The following MFSD1 variants were observed in gnomAD, a reference collection of about 807,000 sequenced individuals.
The protein encoded by MFSD1 is major facilitator superfamily domain containing 1, also known as lysosomal dipeptide transporter MFSD1.
MFSD1 carries 59 observed loss-of-function variants against 67.1 expected under a neutral mutation model. The observed-to-expected ratio is 0.88, with a 90% CI of 0.71 to 1.09. The LOEUF (loss-of-function observed/expected upper bound fraction) is 1.09. MFSD1 is among the 50% of genes least tolerant of loss of function. The pLI is 0.00. For missense variants in MFSD1, 552 were observed against 566.1 expected (o/e 0.97, Z 0.25); for synonymous variants, 213 against 200.3 (o/e 1.06, Z -0.54).
chr3:158,805,554 A>G (rs1461746310), intron 3 of MFSD1, 80 bp downstream of exon 3: 5 of 1,065,864 alleles, frequency 4.7e-6, no homozygotes, highest in Non-Finnish European at 7.3e-6. Context: ...ATTTCTAGAA[A>G]GAGCTGAATA....
intron 14 of MFSD1, 70 bp from the exon 15 acceptor site, chr3:158,827,210 G>A: frequency 1.1e-6 from 1 of 891,148 alleles, no homozygotes; most frequent in Non-Finnish European, 1.8e-6. Context: ...TTGCATGTAT[G>A]TATGTATGGT....
intron 6 of MFSD1, 97 bp downstream of exon 6, chr3:158,809,384 G>A: frequency 2.6e-6 from 2 of 762,994 alleles, no homozygotes; most frequent in Non-Finnish European, 4.2e-6. Context: ...ATTTGTGTAT[G>A]GTAAATTAGA....
chr3:158,813,764 CT>C (rs3050667), intron 6 of MFSD1, among the ~76,000 whole-genome samples, 200 bp from the exon 7 acceptor site: 21,130 of 132,018 alleles, frequency 0.16, 1,579 homozygotes, highest in East Asian at 0.26. Context: ...AATAAATTGG[CT>C]TTTTTTTTTT....
chr3:158,817,058 G>A (rs954823487), intron 7 of MFSD1, among the ~76,000 whole-genome samples: 2 of 152,126 alleles, frequency 1.3e-5, no homozygotes, highest in Non-Finnish European at 2.9e-5. Flanking sequence ...CTGTAGCCTT[G>A]TAGTATAGTT....
intron 1 of MFSD1, chr3:158,802,657 T>A: frequency 1.8e-6 from 1 of 546,386 alleles, no homozygotes; most frequent in Non-Finnish European, 3.4e-6. Flanking sequence ...GCACACGTGG[T>A]CGGAGGAAAT....
At chr3:158,819,219 C>G (rs778880056) in intron 7 of MFSD1, among the ~76,000 whole-genome samples, 17 of 152,206 alleles carry the variant, frequency 1.1e-4, no homozygotes, top group Non-Finnish European at 1.9e-4. Context: ...GCCGTGGACT[C>G]TGGGAAAACA....
chr3:158,821,835 T>G (rs1278125893), intron 10 of MFSD1, 149 bp from the exon 11 acceptor site: 11 of 1,020,702 alleles, frequency 1.1e-5, no homozygotes, highest in African/African-American at 3.2e-5. Flanking sequence ...CAAAGAAGTC[T>G]TGAACTGCTT....
intron 12 of MFSD1, among the ~76,000 whole-genome samples, 187 bp from the exon 13 acceptor site, chr3:158,823,937 A>C (rs973979240): frequency 6.6e-6 from 1 of 152,210 alleles, no homozygotes; most frequent in Non-Finnish European, 1.5e-5. Flanking sequence ...ACCTTTGAGC[A>C]GTCTAGTAGT....
chr3:158,802,385 A>T, intron 1 of MFSD1, 70 bp downstream of exon 1: 1 of 1,579,230 alleles, frequency 6.3e-7, no homozygotes, highest in South Asian at 1.1e-5. Flanking sequence ...GTAGATCGTC[A>T]TCGTGGTCAC....
chr3:158,818,982 T>A (rs1215535219), intron 7 of MFSD1, among the ~76,000 whole-genome samples: 1 of 152,254 alleles, frequency 6.6e-6, no homozygotes, highest in Non-Finnish European at 1.5e-5. Flanking sequence ...TTCAGCGAAT[T>A]TTCAACCGGG....
intron 15 of MFSD1, 87 bp from the exon 16 acceptor site, chr3:158,828,892 T>C: frequency 7.1e-7 from 1 of 1,401,940 alleles, no homozygotes; most frequent in Non-Finnish European, 9.8e-7. Flanking sequence ...TTACATGTCT[T>C]GTAATGCTTG....
At chr3:158,815,046 C>T (rs1049903798) in intron 7 of MFSD1, among the ~76,000 whole-genome samples, 2 of 152,188 alleles carry the variant, frequency 1.3e-5, no homozygotes, top group Admixed American at 1.3e-4. Flanking sequence ...CACGCCGTTG[C>T]ACTCCAGCCT....
intron 6 of MFSD1, among the ~76,000 whole-genome samples, chr3:158,809,651 T>C (rs533579360): frequency 3.7e-4 from 56 of 152,310 alleles, no homozygotes; most frequent in African/African-American, 1.3e-3. Flanking sequence ...AAGCTTGCTC[T>C]GTGATGAAGC....
At chr3:158,820,772 C>T (rs1247158612) in intron 9 of MFSD1, among the ~76,000 whole-genome samples, 1 of 152,074 alleles carries the variant, frequency 6.6e-6, no homozygotes, top group Non-Finnish European at 1.5e-5. Flanking sequence ...CGTGAGAACT[C>T]ACTCACTATC....
intron 7 of MFSD1, among the ~76,000 whole-genome samples, chr3:158,818,032 G>C (rs1041365869): frequency 6.6e-6 from 1 of 152,058 alleles, no homozygotes; most frequent in South Asian, 2.1e-4. Flanking sequence ...GTTGCTGGGT[G>C]GGTCACTGGG....
Position 158,829,109 on chromosome 3 carries a change from A to G in MFSD1, c.*127A>G, listed in dbSNP as rs965085031. ...GACTGGAAAGTTATATTTATATCCA[A>G]ATATACCTATTTCAAAGTGTATTTG... is the stretch of plus-strand genomic sequence containing the variant. On this transcript the variant is annotated 3_prime_UTR_variant, in exon 16 of 16. Transcript: ENST00000415822. 8 of 795,790 alleles carry G rather than the reference A, an allele frequency of 1.0e-5. No homozygotes were observed. Among genetic ancestry groups the G allele is most frequent in the Non-Finnish European group, 1.5e-5 (8 of 521,462 alleles). 49.3% of individuals were successfully genotyped at this position (795,790 alleles called of 1,614,324 possible).
rs1464881045 is a variant in MFSD1, at chr3:158,805,321, A to C, written c.217-41A>C. 4 of 1,469,614 alleles carry C rather than the reference A, an allele frequency of 2.7e-6. No homozygotes were observed. The East Asian group carries it at 9.1e-5, about 33-fold the overall frequency. The allele number at this position is 1,469,614 out of a possible 1,614,324, so 91.0% of individuals were successfully genotyped here. On this transcript the variant is annotated intron_variant, in intron 2 of 15. Coordinates refer to ENST00000415822, the MANE Select transcript of MFSD1 (RefSeq NM_022736.4). Reference sequence around the variant, plus strand: ...TTTTGATTTGTTAGTTGCTAAACTTAACTGTTTGGAAAAAAATAGTTTTAT... The same window carrying C: ...TTTTGATTTGTTAGTTGCTAAACTTCACTGTTTGGAAAAAAATAGTTTTAT...
chr3:158,823,662 A>C, intron 12 of MFSD1, 137 bp downstream of exon 12: 1 of 724,340 alleles, frequency 1.4e-6, no homozygotes, highest in Non-Finnish European at 2.4e-6. Context: ...TGGAAAAGTC[A>C]GTAAATCTAT....
rs573794539 is a variant in MFSD1 at position 158,824,092 on chromosome 3, T to C, written c.1176-32T>C. The C allele has an allele frequency of 1.5e-5, 22 of 1,500,870 alleles. No homozygotes were observed. The South Asian group carries it at 1.7e-4, about 12-fold the overall frequency. The allele number at this position is 1,500,870 out of a possible 1,614,324, so 93.0% of individuals were successfully genotyped here. On this transcript the variant is annotated intron_variant, in intron 12 of 15. Coordinates refer to ENST00000415822, the MANE Select transcript of MFSD1 (RefSeq NM_022736.4). Reference sequence around the variant, plus strand: ...GCCTATGTGTGAAGACTTTTGAAAATGAAATGTGTCTTTATATTTCTTCCA... The same window carrying C: ...GCCTATGTGTGAAGACTTTTGAAAACGAAATGTGTCTTTATATTTCTTCCA...
Sources: allele counts gnomAD v4.1 joint callset (sites outside exome capture counted in the v4.1 genomes callset), GRCh38; gene constraint gnomAD v4.1.1; transcripts MANE v1.5; gene names NCBI Gene and HGNC (gene_info 2026-07-23, HGNC 2026-07-21).